The following SLC24A2 variants were observed in gnomAD, a reference collection of about 807,000 sequenced individuals.
SLC24A2 encodes sodium/potassium/calcium exchanger 2.
Under a neutral mutation model 62.0 loss-of-function variants are expected in SLC24A2, and 36 were observed. The observed-to-expected ratio is 0.58, with a 90% CI of 0.44 to 0.77. The LOEUF (loss-of-function observed/expected upper bound fraction) is 0.77. Ranked by LOEUF, SLC24A2 falls within the 30% of genes least tolerant of loss-of-function variation. The pLI, the probability that SLC24A2 is intolerant of heterozygous loss-of-function variation, is 0.00. For missense variants in SLC24A2, 846 were observed against 817.9 expected, an observed-to-expected ratio of 1.03 and a Z score of -0.42; for synonymous variants, 358 against 294.0, an observed-to-expected ratio of 1.22 and a Z score of -2.23.
the SLC24A2 span, among the ~76,000 whole-genome samples, chr9:20,246,575 T>C: frequency 6.6e-6 from 1 of 152,228 alleles, no homozygotes; most frequent in Non-Finnish European, 1.5e-5. Context: ...GTTGATAGAA[T>C]TTAATGAGAA....
At chr9:20,004,184 T>C in the SLC24A2 span, among the ~76,000 whole-genome samples, 1 of 152,222 alleles carries the variant, frequency 6.6e-6, no homozygotes, top group East Asian at 1.9e-4. Context: ...TAAGGGAGCA[T>C]GGGCTGCACT....
chr9:19,783,449 G>A (rs1257555434), intron 2 of SLC24A2, among the ~76,000 whole-genome samples: 3 of 152,090 alleles, frequency 2.0e-5, no homozygotes, highest in African/African-American at 7.2e-5. Flanking sequence ...AGATGTTTTG[G>A]TGATGTCAGA....
the SLC24A2 span, among the ~76,000 whole-genome samples, chr9:19,871,772 A>T: frequency 5.3e-5 from 8 of 152,214 alleles, no homozygotes; most frequent in East Asian, 3.8e-4. Context: ...GAATAACAAT[A>T]GTTTTTCTGG....
At chr9:19,922,234 G>A in the SLC24A2 span, among the ~76,000 whole-genome samples, 1 of 152,140 alleles carries the variant, frequency 6.6e-6, no homozygotes, top group East Asian at 1.9e-4. Flanking sequence ...GTATGAAATA[G>A]CTTCAGGGAA....
At chr9:19,857,859 C>T in the SLC24A2 span, among the ~76,000 whole-genome samples, 1 of 151,690 alleles carries the variant, frequency 6.6e-6, no homozygotes, top group Non-Finnish European at 1.5e-5. Context: ...AGTCTGGGTA[C>T]TGTTGCTATA....
At chr9:20,204,300 C>A in the SLC24A2 span, among the ~76,000 whole-genome samples, 1 of 152,216 alleles carries the variant, frequency 6.6e-6, no homozygotes, top group Non-Finnish European at 1.5e-5. Flanking sequence ...AAGTAACTTA[C>A]TGAATTAAAA....
intron 2 of SLC24A2, among the ~76,000 whole-genome samples, chr9:19,728,257 C>A (rs184786894): frequency 4.0e-5 from 6 of 150,874 alleles, no homozygotes; most frequent in South Asian, 4.2e-4. Flanking sequence ...GATGGTCTCA[C>A]TTGAGTTGCT....
chr9:20,019,131 A>AGAGAGAG, the SLC24A2 span, among the ~76,000 whole-genome samples: 1 of 123,784 alleles, frequency 8.1e-6, no homozygotes, highest in Non-Finnish European at 1.6e-5. Flanking sequence ...GAAAGAAAGA[A>AGAGAGAG]AGAAAGAAAG....
chr9:20,105,875 C>CA, the SLC24A2 span, among the ~76,000 whole-genome samples: 4 of 151,986 alleles, frequency 2.6e-5, no homozygotes, highest in Non-Finnish European at 4.4e-5. Flanking sequence ...AATAGAGACA[C>CA]AAAAAATCCT....
intron 2 of SLC24A2, among the ~76,000 whole-genome samples, chr9:19,664,069 C>A (rs1210240160): frequency 6.6e-6 from 1 of 151,948 alleles, no homozygotes; most frequent in Non-Finnish European, 1.5e-5. Flanking sequence ...TGGGTTTCCT[C>A]AATCAGTTTC....
At chr9:19,543,035 G>A (rs1834355263) in intron 8 of SLC24A2, among the ~76,000 whole-genome samples, 1 of 152,160 alleles carries the variant, frequency 6.6e-6, no homozygotes, top group Non-Finnish European at 1.5e-5. Flanking sequence ...TTGTACCTCT[G>A]GTAGAATTTG....
intron 2 of SLC24A2, among the ~76,000 whole-genome samples, chr9:19,699,843 T>C (rs532727195): frequency 1.3e-5 from 2 of 152,214 alleles, no homozygotes; most frequent in Non-Finnish European, 2.9e-5. Flanking sequence ...GACTAGATGA[T>C]TCTCTGAAAT....
chr9:20,242,668 C>T, the SLC24A2 span, among the ~76,000 whole-genome samples: 13 of 152,320 alleles, frequency 8.5e-5, no homozygotes, highest in Admixed American at 8.5e-4. Flanking sequence ...GATGCAACAC[C>T]TGACATGAGA....
the SLC24A2 span, among the ~76,000 whole-genome samples, chr9:19,908,178 C>T: frequency 6.6e-6 from 1 of 152,168 alleles, no homozygotes; most frequent in Non-Finnish European, 1.5e-5. Flanking sequence ...AGAAACAATG[C>T]TGCATATCTA....
At chr9:19,787,197 C>A (rs1433496625) in intron 1 of SLC24A2, among the ~76,000 whole-genome samples, 178 bp from the exon 2 acceptor site, 3 of 152,126 alleles carry the variant, frequency 2.0e-5, no homozygotes, top group Non-Finnish European at 4.4e-5. Context: ...ACCTACCACC[C>A]AGGATTGTTT....
At position 19,594,956 on chromosome 9, in the gene SLC24A2, T is replaced by C. The variant is rs141348713; in HGVS notation, c.1129+2273A>G. On this transcript the variant is annotated intron_variant, in intron 5 of 10. Coordinates refer to ENST00000341998, the MANE Select transcript of SLC24A2 (RefSeq NM_020344.4). The stretch of plus-strand genomic sequence containing the variant: ...AGGTACCTGTCGAAGGATGCAACTT[T>C]ACATGGCTGGATGGACAGCTGCTAT... Among the ~76,000 whole-genome samples, 90 of 152,346 alleles carry C rather than the reference T, an allele frequency of 5.9e-4. 1 individual carries two copies. In the East Asian group the frequency reaches 0.015, roughly 25 times the overall value.
In SLC24A2 at chr9:19,509,177, G is replaced by C. The variant is rs1832616923; in HGVS notation, c.*6976C>G. ...TGAACTTTGCTTTATATAACAAAAT[G>C]GATTCCTGAAAAAAATCTACAATTT... On this transcript the variant is annotated 3_prime_UTR_variant, in exon 11 of 11. Coordinates refer to ENST00000341998, the MANE Select transcript of SLC24A2 (RefSeq NM_020344.4). 6.6e-6 allele frequency: 1 copy of C among 151,904 alleles called. No individual in the cohort carries two copies. The highest frequency in any genetic ancestry group is 1.5e-5 in the Non-Finnish European group (1 of 67,964). The allele number at this position is 151,904 out of a possible 1,614,324, so 9.4% of individuals were successfully genotyped here. A position where few individuals can be genotyped will look rare whatever the true frequency, so the allele number is the denominator to read the frequency against.
the SLC24A2 span, among the ~76,000 whole-genome samples, chr9:20,082,295 G>A: frequency 6.6e-6 from 1 of 152,164 alleles, no homozygotes; most frequent in Non-Finnish European, 1.5e-5. Flanking sequence ...GTATGCCTGT[G>A]CATTGTCTCA....
the SLC24A2 span, among the ~76,000 whole-genome samples, chr9:19,998,589 G>A: frequency 1.3e-5 from 2 of 152,196 alleles, no homozygotes; most frequent in African/African-American, 4.8e-5. Context: ...GAATTTTTAA[G>A]CAGGCCCCGC....
Sources: gnomAD v4.1 joint callset for allele counts (sites outside exome capture counted in the v4.1 genomes callset) on GRCh38, gnomAD v4.1.1 for gene constraint, MANE v1.5 for transcripts, NCBI Gene and HGNC (gene_info 2026-07-23, HGNC 2026-07-21) for gene names.